The following SWT1 variants were observed in gnomAD, a reference collection of about 807,000 sequenced individuals.
SWT1 encodes the protein transcriptional protein SWT1.
A neutral mutation model predicts 107.3 loss-of-function variants in SWT1; 33 were observed. The observed-to-expected ratio is 0.31, with a 90% CI of 0.23 to 0.41. The LOEUF is 0.41. Ranked by LOEUF, SWT1 falls within the 10% of genes least tolerant of loss-of-function variation. The probability of loss-of-function intolerance (pLI) is 1.00; values close to 1 mark genes in which losing one functional copy is unlikely to be tolerated. For synonymous variants in SWT1, 345 were observed against 348.3 expected (o/e 0.99, Z 0.11); for missense variants, 898 against 1,028.9 (o/e 0.87, Z 1.74).
intron 16 of SWT1, among the ~76,000 whole-genome samples, chr1:185,255,739 G>T (rs1451163800): frequency 6.8e-6 from 1 of 147,426 alleles, no homozygotes; most frequent in Non-Finnish European, 1.5e-5. Context: ...TATCCAATTT[G>T]CCAGTCTGTG....
chr1:185,166,640 A>C lies in SWT1; in HGVS notation c.153A>C (p.Glu51Asp). ...SSSSIRSVSS[E>D]KRKLKSDHTD... The stretch of plus-strand genomic sequence containing the variant: ...CTTCTATAAGATCAGTTTCATCAGA[A>C]AAGAGAAAACTGGTGAGTGTCTAGA... The change falls in exon 3 of 19, where the codon GAA (glutamate) becomes GAC (aspartate). Residue 51 changes from glutamate (E) to aspartate (D), a missense_variant. Physicochemically the swap from Glu to Asp is conservative, Grantham distance 45. Coordinates refer to ENST00000367500, the MANE Select transcript of SWT1 (RefSeq NM_017673.7). 6.3e-7 allele frequency: 1 copy of C among 1,596,978 alleles called. No homozygotes were observed. The highest frequency in any genetic ancestry group is 1.7e-5 in the Admixed American group (1 of 58,540).
intron 4 of SWT1, among the ~76,000 whole-genome samples, chr1:185,170,686 C>T (rs1654972956): frequency 6.6e-6 from 1 of 152,200 alleles, no homozygotes; most frequent in African/African-American, 2.4e-5. Context: ...TTCTTGTACG[C>T]ATTTACTTAA....
chr1:185,206,863 ATTAG>A (rs1277121165), intron 13 of SWT1, 100 bp downstream of exon 13: 8 of 870,064 alleles, frequency 9.2e-6, no homozygotes, highest in Non-Finnish European at 1.2e-5. Context: ...GAATTTGTTA[ATTAG>A]TTCTTAATCA....
At chr1:185,230,185 T>A (rs1660407925) in intron 15 of SWT1, among the ~76,000 whole-genome samples, 1 of 152,220 alleles carries the variant, frequency 6.6e-6, no homozygotes, top group Non-Finnish European at 1.5e-5. Flanking sequence ...AAGTCTACCG[T>A]AGTCAACATT....
At chr1:185,284,739 T>A (rs1245340222) in intron 18 of SWT1, among the ~76,000 whole-genome samples, 1 of 152,238 alleles carries the variant, frequency 6.6e-6, no homozygotes, top group African/African-American at 2.4e-5. Flanking sequence ...CAGTTGTGGC[T>A]TCTTCTTGTC....
intron 1 of SWT1, among the ~76,000 whole-genome samples, chr1:185,160,228 G>A (rs755447501): frequency 6.6e-6 from 1 of 152,166 alleles, no homozygotes; most frequent in Non-Finnish European, 1.5e-5. Flanking sequence ...AGCAGTCCTG[G>A]AGGCAGTTGA....
intron 10 of SWT1, among the ~76,000 whole-genome samples, chr1:185,190,852 AT>A (rs1344655919): frequency 3.9e-5 from 6 of 152,174 alleles, no homozygotes; most frequent in African/African-American, 1.4e-4. Context: ...TTTCAGTTTA[AT>A]TTTTATACGA....
At chr1:185,276,578 A>AT in intron 17 of SWT1, 26 bp from the exon 18 acceptor site, 1 of 1,373,722 alleles carries the variant, frequency 7.3e-7, no homozygotes. Flanking sequence ...ATATATTTTT[A>AT]ATAACTATAT....
At chr1:185,217,413 G>T (rs1468856940) in intron 14 of SWT1, among the ~76,000 whole-genome samples, 2 of 152,146 alleles carry the variant, frequency 1.3e-5, no homozygotes, top group South Asian at 2.1e-4. Flanking sequence ...TCTTATAGGA[G>T]CATGAACCCT....
chr1:185,268,251 A>C lies in SWT1; in HGVS notation c.2442-3072A>C, dbSNP rs1277782518. 5.3e-5 allele frequency among the ~76,000 whole-genome samples: 8 copies of C among 152,352 alleles called. No individual in the cohort carries two copies. In the South Asian group the frequency reaches 1.7e-3, roughly 32 times the overall value. ...TAGCTGTGAATGAAGATGAGATCCCAATAAACCTTTCTTCATTAGAATACA... is the reference window on the plus strand; with the variant it reads ...TAGCTGTGAATGAAGATGAGATCCCCATAAACCTTTCTTCATTAGAATACA... On this transcript the variant is annotated intron_variant, in intron 16 of 18. Transcript: ENST00000367500.
At chr1:185,163,245 T>C (rs1201169056) in intron 2 of SWT1, among the ~76,000 whole-genome samples, 1 of 152,106 alleles carries the variant, frequency 6.6e-6, no homozygotes, top group African/African-American at 2.4e-5. Flanking sequence ...AAAATTGGAG[T>C]TAGTCTCTCA....
At position 185,274,582 on chromosome 1, in the gene SWT1, G is replaced by A. The variant is rs572051530; in HGVS notation, c.2509-2022G>A. 5.3e-5 allele frequency among the ~76,000 whole-genome samples: 8 copies of A among 152,164 alleles called. 1 individual carries two copies. The South Asian group carries it at 8.3e-4, about 16-fold the overall frequency. ...ACTGTCTAAATCTTTTAAGGAGTTTGACTATTTTTATACTTCTCCTTTGCC... is the reference window on the plus strand; with the variant it reads ...ACTGTCTAAATCTTTTAAGGAGTTTAACTATTTTTATACTTCTCCTTTGCC... On this transcript the variant is annotated intron_variant, in intron 17 of 18. Coordinates refer to ENST00000367500, the MANE Select transcript of SWT1 (RefSeq NM_017673.7).
chr1:185,181,506 T>A (rs540545185), intron 6 of SWT1, among the ~76,000 whole-genome samples: 1 of 152,170 alleles, frequency 6.6e-6, no homozygotes, highest in Non-Finnish European at 1.5e-5. Flanking sequence ...CTTAGAAATC[T>A]CAAGAAGAAT....
rs549654714 is a variant in SWT1 at position 185,214,743 on chromosome 1, T to C, written c.2121+88T>C. 3,672 of 1,118,520 alleles carry C rather than the reference T, an allele frequency of 3.3e-3. 70 individuals are homozygous for C. The highest frequency in any genetic ancestry group is 0.032 in the South Asian group (1,856 of 57,184). The allele number at this position is 1,118,520 out of a possible 1,614,324, so 69.3% of individuals were successfully genotyped here. A position where few individuals can be genotyped will look rare whatever the true frequency, so the allele number is the denominator to read the frequency against. Reference sequence around the variant, plus strand: ...GCAGACAACAGTAGGTAAAGGATAATTTAATTCTAACTTATTCTAACATAC... The same window carrying C: ...GCAGACAACAGTAGGTAAAGGATAACTTAATTCTAACTTATTCTAACATAC... On this transcript the variant is annotated intron_variant, in intron 14 of 18. Coordinates refer to ENST00000367500, the MANE Select transcript of SWT1 (RefSeq NM_017673.7).
At chr1:185,216,704 C>A (rs1297020838) in intron 14 of SWT1, among the ~76,000 whole-genome samples, 3 of 152,004 alleles carry the variant, frequency 2.0e-5, no homozygotes, top group South Asian at 4.1e-4. Context: ...GTAATCCCAG[C>A]ACTTTGGGAG....
intron 11 of SWT1, 118 bp from the exon 12 acceptor site, chr1:185,204,582 T>G: frequency 4.5e-6 from 2 of 449,174 alleles, no homozygotes; most frequent in Non-Finnish European, 7.7e-6. Context: ...ATTTGTTTGT[T>G]TTATATATAA....
At chr1:185,166,546 A>T in intron 2 of SWT1, 26 bp from the exon 3 acceptor site, 1 of 1,487,026 alleles carries the variant, frequency 6.7e-7, no homozygotes. Flanking sequence ...GCTTTTTAAA[A>T]TTCATTTTCT....
chr1:185,275,359 A>C (rs1664169239), intron 17 of SWT1, among the ~76,000 whole-genome samples: 1 of 151,332 alleles, frequency 6.6e-6, no homozygotes, highest in African/African-American at 2.4e-5. Context: ...TGAATTTTTT[A>C]TAACATTTTT....
chr1:185,196,610 TC>T (rs1181920636), intron 10 of SWT1, among the ~76,000 whole-genome samples: 2 of 152,234 alleles, frequency 1.3e-5, no homozygotes, highest in Non-Finnish European at 2.9e-5. Context: ...ATTCTTCCTA[TC>T]CATGGGCATG....
Sources: gnomAD v4.1 joint callset for allele counts (sites outside exome capture counted in the v4.1 genomes callset) on GRCh38, gnomAD v4.1.1 for gene constraint, MANE v1.5 for transcripts, NCBI Gene and HGNC (gene_info 2026-07-23, HGNC 2026-07-21) for gene names.